Variants in GTPBP4 observed in about 807,000 individuals in gnomAD.
GTPBP4 encodes GTP binding protein 4.
Under a neutral mutation model 81.7 loss-of-function variants are expected in GTPBP4, and 15 were observed. The ratio of observed to expected loss-of-function variants is 0.18; its 90% CI spans 0.12 to 0.28. The LOEUF is 0.28. GTPBP4 is among the 10% of genes least tolerant of loss of function. The pLI is 1.00. For missense variants in GTPBP4, 847 were observed against 793.8 expected (o/e 1.07, Z -0.81); for synonymous variants, 272 against 274.6 (o/e 0.99, Z 0.09).
Position 1,000,660 on chromosome 10 carries a change from A to G in GTPBP4, c.655-17A>G. On this transcript the variant is annotated splice_polypyrimidine_tract_variant and intron_variant, in intron 6 of 16. Coordinates refer to ENST00000360803, the MANE Select transcript of GTPBP4 (RefSeq NM_012341.3). ...GTGGGTGAGTGTGCTTTCAGTGACA[A>G]GGTCTGGCTGTGTTAGGTTGTAGAC... is the stretch of plus-strand genomic sequence containing the variant. The G allele has an allele frequency of 1.4e-6, 2 of 1,462,868 alleles. No homozygotes were observed. The highest frequency in any genetic ancestry group is 1.8e-6 in the Non-Finnish European group (2 of 1,100,686). 90.6% of individuals were successfully genotyped at this position (1,462,868 alleles called of 1,614,324 possible). A position where few individuals can be genotyped will look rare whatever the true frequency, so the allele number is the denominator to read the frequency against.
At position 988,467 on chromosome 10, in the gene GTPBP4, T is replaced by A. The variant is rs1831379277; in HGVS notation, c.-13T>A. On this transcript the variant is annotated 5_prime_UTR_variant, in exon 1 of 17. Transcript: ENST00000360803. ...CGGGAGTGCCAAGTACCCGCGTGCA[T>A]ACGGCTGCCGGCATGGCACATTACA... The A allele has an allele frequency of 3.1e-6, 5 of 1,612,128 alleles. No individual in the cohort carries two copies. The highest frequency in any genetic ancestry group is 4.2e-6 in the Non-Finnish European group (5 of 1,178,666).
In GTPBP4 at chr10:1,017,454, G is replaced by T; in HGVS notation, c.*227G>T. 2.6e-6 allele frequency: 1 copy of T among 387,116 alleles called. No homozygotes were observed. Among genetic ancestry groups the T allele is most frequent in the Non-Finnish European group, 4.6e-6 (1 of 217,806 alleles). The allele number at this position is 387,116 out of a possible 1,614,324, so 24.0% of individuals were successfully genotyped here. ...AGTAGACAGTGTTTCCACATTTAAT[G>T]GAGTATCAGTTGCTTCAGATTTTCA... On this transcript the variant is annotated 3_prime_UTR_variant, in exon 17 of 17. Coordinates refer to ENST00000360803, the MANE Select transcript of GTPBP4 (RefSeq NM_012341.3).
chr10:1,016,183 C>G (rs185057374), intron 16 of GTPBP4, among the ~76,000 whole-genome samples: 70 of 150,160 alleles, frequency 4.7e-4, no homozygotes, highest in Non-Finnish European at 8.1e-4. Context: ...ACCCTGCTGT[C>G]TGAAGAGGGC....
Position 1,000,773 on chromosome 10 carries a change from G to A in GTPBP4, c.751G>A (p.Val251Ile), listed in dbSNP as rs1344821665. The A allele has an allele frequency of 6.2e-7, 1 of 1,610,626 alleles. No individual in the cohort carries two copies. Reference protein sequence around the residue: ...ITALAHLRAAVLYVMDLSEQC... With the variant: ...ITALAHLRAAILYVMDLSEQC... ...TGCCCTGGCCCACCTCCGTGCTGCG[G>A]TCCTGTATGTGATGGATTTGTCTGA... is the stretch of plus-strand genomic sequence containing the variant. The change falls in exon 7 of 17, where the codon GTC (valine) becomes ATC (isoleucine). Residue 251 changes from valine to isoleucine, a missense_variant. Physicochemically the swap from Val to Ile is conservative, Grantham distance 29 (BLOSUM62 3). Coordinates refer to ENST00000360803, the MANE Select transcript of GTPBP4 (RefSeq NM_012341.3).
chr10:1,005,107 T>TG (rs1368723330), intron 8 of GTPBP4, among the ~76,000 whole-genome samples: 2 of 151,974 alleles, frequency 1.3e-5, no homozygotes, highest in African/African-American at 4.8e-5. Context: ...AGCTGTAGGG[T>TG]GGGTTGCTGG....
rs770550794 is a variant in GTPBP4 at position 1,000,929 on chromosome 10, A to G, written c.847-19A>G. ...GCAGTACGAGAATAATGATTTCATT[A>G]TTTTTCTTCCTTGCCTAGCCTCTCA... is the stretch of plus-strand genomic sequence containing the variant. On this transcript the variant is annotated intron_variant, in intron 7 of 16. Transcript: ENST00000360803. 7 of 1,611,170 alleles carry G rather than the reference A, an allele frequency of 4.3e-6. No homozygotes were observed. In the Admixed American group the frequency reaches 8.3e-5, roughly 19 times the overall value.
Position 1,012,467 on chromosome 10 carries a change from A to G in GTPBP4, c.1347A>G (p.Lys449=). ...ADYIDPAIMK[K]LEELEKEEEL... is the part of the protein sequence containing the mutation. ...TCATTACAACTCCATTTTTAAAGAA[A>G]TTGGAAGAATTAGAAAAAGAAGAAG... The change falls in exon 14 of 17, where the codon AAA becomes AAG. Residue 449 remains lysine, a splice_region_variant and synonymous_variant. Coordinates refer to ENST00000360803, the MANE Select transcript of GTPBP4 (RefSeq NM_012341.3). The G allele has an allele frequency of 6.3e-7, 1 of 1,593,772 alleles. No homozygotes were observed. Among genetic ancestry groups the G allele is most frequent in the African/African-American group, 1.4e-5 (1 of 73,752 alleles).
At chr10:1,007,396 A>T in intron 10 of GTPBP4, 1 of 293,660 alleles carries the variant, frequency 3.4e-6, no homozygotes, top group South Asian at 6.4e-5. Flanking sequence ...TTAGTTTCTA[A>T]AAAGTTCTTT....
intron 8 of GTPBP4, among the ~76,000 whole-genome samples, chr10:1,003,194 A>G (rs1316906992): frequency 3.3e-5 from 5 of 152,034 alleles, no homozygotes; most frequent in African/African-American, 4.8e-5. Flanking sequence ...AAAACTGTCT[A>G]TTGTATTATC....
intron 16 of GTPBP4, among the ~76,000 whole-genome samples, chr10:1,016,507 A>C (rs1369949542): frequency 2.0e-5 from 3 of 152,232 alleles, no homozygotes; most frequent in Non-Finnish European, 4.4e-5. Context: ...TCCTTCATGG[A>C]AGCCTGAGCT....
intron 1 of GTPBP4, among the ~76,000 whole-genome samples, chr10:989,856 C>T (rs899365943): frequency 6.6e-6 from 1 of 152,190 alleles, no homozygotes; most frequent in African/African-American, 2.4e-5. Context: ...CCTGCCTCAG[C>T]CTCCCGAGTA....
chr10:990,986 C>T (rs1831432234), intron 1 of GTPBP4, among the ~76,000 whole-genome samples: 1 of 151,814 alleles, frequency 6.6e-6, no homozygotes, highest in South Asian at 2.1e-4. Flanking sequence ...ACCGTGTGTG[C>T]CCCTCATAGT....
chr10:992,523 G>T lies in GTPBP4; in HGVS notation c.83G>T (p.Arg28Leu). 1 of 1,606,148 alleles carries T rather than the reference G, an allele frequency of 6.2e-7. No individual in the cohort carries two copies. Among genetic ancestry groups the T allele is most frequent in the South Asian group, 1.1e-5 (1 of 90,724 alleles). ...GACCTCACGTTGTCGAAGACTCAACGAAAGACTCCAACCGTTATTCATAAA... is the reference window on the plus strand; with the variant it reads ...GACCTCACGTTGTCGAAGACTCAACTAAAGACTCCAACCGTTATTCATAAA... ...FIDLTLSKTQ[R>L]KTPTVIHKHY... The change falls in exon 2 of 17, where the codon CGA becomes CTA. Residue 28 changes from arginine to leucine, a missense_variant. Arg to Leu is a moderately radical substitution (Grantham distance 102). Coordinates refer to ENST00000360803, the MANE Select transcript of GTPBP4 (RefSeq NM_012341.3).
intron 4 of GTPBP4, 37 bp downstream of exon 4, chr10:996,279 C>A: frequency 6.3e-7 from 1 of 1,577,350 alleles, no homozygotes; most frequent in Non-Finnish European, 8.6e-7. Flanking sequence ...GTGCTAGCAT[C>A]CTGCTGAGAG....
In GTPBP4 at chr10:995,953, T is replaced by A. The variant is rs1205120876; in HGVS notation, c.244T>A (p.Leu82Met). 6.2e-7 allele frequency: 1 copy of A among 1,608,924 alleles called. No individual in the cohort carries two copies. Among genetic ancestry groups the A allele is most frequent in the African/African-American group, 1.3e-5 (1 of 74,954 alleles). ...GGATATTCATCCGTTCTATGCTGAT[T>A]TGATGAATATTCTCTACGACAAGGA... ...LDDIHPFYAD[L>M]MNILYDKDHY... The change falls in exon 3 of 17, where the codon TTG (leucine) becomes ATG (methionine). Residue 82 changes from leucine to methionine, a missense_variant. By Grantham distance (15) the Leu-to-Met change is conservative (BLOSUM62 2). Around this residue, in one of 3 missense-constraint regions of GTPBP4, gnomAD observed 241 missense variants for 216.3 expected, o/e 1.11. Coordinates refer to ENST00000360803, the MANE Select transcript of GTPBP4 (RefSeq NM_012341.3).
chr10:997,244 C>G lies in GTPBP4; in HGVS notation c.497C>G (p.Pro166Arg), dbSNP rs750412519. The change falls in exon 5 of 17, where the codon CCG becomes CGG. Residue 166 changes from proline to arginine, a missense_variant. Physicochemically the swap from Pro to Arg is moderately radical, Grantham distance 103 (BLOSUM62 -2). Around this residue, in one of 3 missense-constraint regions of GTPBP4, gnomAD observed 241 missense variants for 216.3 expected, o/e 1.11. Transcript: ENST00000360803. ...QHLSRLPTIDPNTRTLLLCGY... is the reference protein window; with the variant it reads ...QHLSRLPTIDRNTRTLLLCGY... ...TTATCCCGTTTGCCAACCATTGATC[C>G]GAATACCAGGACCCTGCTTTTGTGT... 3 of 1,608,202 alleles carry G rather than the reference C, an allele frequency of 1.9e-6. No individual in the cohort carries two copies. The highest frequency in any genetic ancestry group is 2.2e-5 in the East Asian group (1 of 44,876).
intron 15 of GTPBP4, 101 bp from the exon 16 acceptor site, chr10:1,015,652 A>AGCGGGGCTGGGGTCTTGAGCG (rs1157203331): frequency 4.0e-6 from 1 of 252,738 alleles, no homozygotes. Context: ...AGCGCTGAGC[A>AGCGGGGCTGGGGTCTTGAGCG]CTGAGCCTGG....
chr10:996,275 G>A, intron 4 of GTPBP4, 33 bp downstream of exon 4: 3 of 1,583,874 alleles, frequency 1.9e-6, no homozygotes, highest in Non-Finnish European at 1.7e-6. Flanking sequence ...AACCGTGCTA[G>A]CATCCTGCTG....
intron 8 of GTPBP4, among the ~76,000 whole-genome samples, chr10:1,003,181 G>C (rs984341348): frequency 2.6e-5 from 4 of 151,948 alleles, no homozygotes; most frequent in Non-Finnish European, 5.9e-5. Context: ...CCAGTGTGCT[G>C]TTAAAACTGT....
Sources: gnomAD v4.1 joint callset for allele counts (sites outside exome capture counted in the v4.1 genomes callset) on GRCh38, gnomAD v4.1.1 for gene constraint, gnomAD v4.1.1 regional missense constraint, MANE v1.5 for transcripts, NCBI Gene and HGNC (gene_info 2026-07-23, HGNC 2026-07-21) for gene names.